The following STK24 variants were observed in gnomAD, a reference collection of about 807,000 sequenced individuals.
The protein encoded by STK24 is serine/threonine-protein kinase 24.
STK24 carries 21 observed loss-of-function variants against 55.6 expected under a neutral mutation model. The ratio of observed to expected loss-of-function variants is 0.38; its 90% confidence interval spans 0.27 to 0.54. The LOEUF (loss-of-function observed/expected upper bound fraction) is 0.54. STK24 is among the 20% of genes least tolerant of loss of function. STK24 has a pLI of 0.79. For missense variants in STK24, 383 were observed against 538.4 expected (o/e 0.71, Z 2.86); for synonymous variants, 200 against 215.2 (o/e 0.93, Z 0.62).
At chr13:98,576,702 GC>G in intron 1 of STK24, 42 bp downstream of exon 1, 1 of 1,443,326 alleles carries the variant, frequency 6.9e-7, no homozygotes. Flanking sequence ...TGCTGCTTCC[GC>G]CCCGGTCGCG....
rs184769417 is a variant in STK24, at chr13:98,480,694, C to T, written c.330+1571G>A. ...GATACATATAGTTTCAGAAGTTTAT[C>T]TTCCCAAAACAAACTATCAATTGCT... On this transcript the variant is annotated intron_variant, in intron 3 of 10. Transcript: ENST00000539966. Among the ~76,000 whole-genome samples, 675 of 152,236 alleles carry T rather than the reference C, an allele frequency of 4.4e-3. 4 individuals are homozygous for T. The highest frequency in any genetic ancestry group is 9.9e-3 in the Admixed American group (152 of 15,304).
At chr13:98,536,636 T>C (rs1415255599) in intron 1 of STK24, among the ~76,000 whole-genome samples, 1 of 152,044 alleles carries the variant, frequency 6.6e-6, no homozygotes, top group African/African-American at 2.4e-5. Context: ...AGTGCTGGGA[T>C]TATAGGGATG....
Position 98,452,843 on chromosome 13 carries a change from A to G in STK24, c.*330T>C, listed in dbSNP as rs1893261482. 1 of 243,508 alleles carries G rather than the reference A, an allele frequency of 4.1e-6. No individual in the cohort carries two copies. The highest frequency in any genetic ancestry group is 2.3e-5 in the African/African-American group (1 of 44,444). 15.1% of individuals were successfully genotyped at this position (243,508 alleles called of 1,614,324 possible). A position where few individuals can be genotyped will look rare whatever the true frequency, so the allele number is the denominator to read the frequency against. ...TTCATGTCTTTAGTTGCCTTATCAT[A>G]ATCCCAAATATACATTTCAGGGTTT... On this transcript the variant is annotated 3_prime_UTR_variant, in exon 11 of 11. Transcript: ENST00000539966.
intron 2 of STK24, among the ~76,000 whole-genome samples, chr13:98,508,568 C>A (rs2139360618): frequency 6.6e-6 from 1 of 152,222 alleles, no homozygotes; most frequent in Middle Eastern, 3.4e-3. Context: ...AAGATGAGAT[C>A]TTTCTTGGTA....
At chr13:98,462,877 C>T (rs764261760) in intron 7 of STK24, among the ~76,000 whole-genome samples, 1 of 152,184 alleles carries the variant, frequency 6.6e-6, no homozygotes, top group Non-Finnish European at 1.5e-5. Flanking sequence ...TCCACCGCCG[C>T]GTCCTGGCTC....
chr13:98,491,190 A>T (rs1895017228), intron 2 of STK24, among the ~76,000 whole-genome samples: 2 of 152,044 alleles, frequency 1.3e-5, no homozygotes, highest in Admixed American at 1.3e-4. Context: ...CCGGACCTAC[A>T]CCCCTTCTCA....
chr13:98,472,147 C>G (rs926997114), intron 5 of STK24, among the ~76,000 whole-genome samples: 6 of 152,180 alleles, frequency 3.9e-5, no homozygotes, highest in African/African-American at 1.2e-4. Context: ...CAGTCCAGAG[C>G]CACGCCCAGT....
chr13:98,470,759 T>A (rs1162093616), intron 5 of STK24, among the ~76,000 whole-genome samples: 1 of 152,216 alleles, frequency 6.6e-6, no homozygotes, highest in East Asian at 1.9e-4. Flanking sequence ...CAATATCATG[T>A]CAAATAAAGT....
At position 98,524,650 on chromosome 13, in the gene STK24, T is replaced by C. The variant is rs1459323804; in HGVS notation, c.43-5177A>G. Among the ~76,000 whole-genome samples the C allele has an allele frequency of 3.3e-5, 5 of 152,238 alleles. No individual in the cohort carries two copies. In the East Asian group the frequency reaches 9.6e-4, roughly 29 times the overall value. On this transcript the variant is annotated intron_variant, in intron 1 of 10. Transcript: ENST00000539966. The stretch of plus-strand genomic sequence containing the variant: ...GTTATTGTTTTAGGTTGCTAAGTGA[T>C]ATAGCGGTTTCTTGGTTTCTTATAC...
intron 1 of STK24, among the ~76,000 whole-genome samples, chr13:98,540,372 T>G (rs1896855263): frequency 6.6e-6 from 1 of 152,194 alleles, no homozygotes; most frequent in Admixed American, 6.5e-5. Context: ...TCAATAAAGC[T>G]GTTTCAAAGA....
At chr13:98,499,661 G>A (rs1483057212) in intron 2 of STK24, among the ~76,000 whole-genome samples, 1 of 152,144 alleles carries the variant, frequency 6.6e-6, no homozygotes, top group South Asian at 2.1e-4. Flanking sequence ...CTAGAAGAGT[G>A]TTCCAAGAGT....
chr13:98,499,096 A>T (rs1024627538), intron 2 of STK24, among the ~76,000 whole-genome samples: 1 of 152,016 alleles, frequency 6.6e-6, no homozygotes, highest in Admixed American at 6.6e-5. Context: ...AAAATACAAA[A>T]ATTAGCCAGC....
intron 6 of STK24, 130 bp downstream of exon 6, chr13:98,466,246 T>C: frequency 1.1e-6 from 1 of 889,836 alleles, no homozygotes; most frequent in East Asian, 2.9e-5. Flanking sequence ...TCATACTTAC[T>C]TAGAAAAAGA....
At chr13:98,499,474 C>A (rs1176221722) in intron 2 of STK24, among the ~76,000 whole-genome samples, 10 of 152,326 alleles carry the variant, frequency 6.6e-5, no homozygotes, top group East Asian at 5.8e-4. Context: ...GAAAAGGTAA[C>A]TTCTGACTAA....
At chr13:98,482,566 C>G (rs1894636420) in intron 2 of STK24, among the ~76,000 whole-genome samples, 2 of 152,168 alleles carry the variant, frequency 1.3e-5, no homozygotes, top group Admixed American at 1.3e-4. Flanking sequence ...CCCCAGGGCT[C>G]CAGGGCATGC....
At chr13:98,509,461 C>T (rs538322919) in intron 2 of STK24, among the ~76,000 whole-genome samples, 3 of 151,902 alleles carry the variant, frequency 2.0e-5, no homozygotes, top group South Asian at 2.1e-4. Context: ...TAAGCCACTA[C>T]TGAAAACAGT....
At chr13:98,545,803 T>C (rs1897015245) in intron 1 of STK24, among the ~76,000 whole-genome samples, 1 of 152,140 alleles carries the variant, frequency 6.6e-6, no homozygotes, top group Admixed American at 6.6e-5. Context: ...AGATGAAACA[T>C]CCTGAATTAT....
At chr13:98,576,352 G>T in intron 1 of STK24, 2 of 422,648 alleles carry the variant, frequency 4.7e-6, no homozygotes, top group African/African-American at 2.1e-5. Flanking sequence ...CCGCCAACCC[G>T]GCCACCACGC....
chr13:98,469,227 G>C (rs1894042860), intron 5 of STK24, among the ~76,000 whole-genome samples: 1 of 152,184 alleles, frequency 6.6e-6, no homozygotes, highest in South Asian at 2.1e-4. Context: ...TGGCTTCCAA[G>C]GAGGGCAGCC....
Sources: gnomAD v4.1 joint callset for allele counts (sites outside exome capture counted in the v4.1 genomes callset) on GRCh38, gnomAD v4.1.1 for gene constraint, MANE v1.5 for transcripts, NCBI Gene and HGNC (gene_info 2026-07-23, HGNC 2026-07-21) for gene names.